Variants in RAB28 observed in about 807,000 individuals in gnomAD.
RAB28 encodes the protein RAB28, member RAS oncogene family.
RAB28 carries 24 observed loss-of-function variants against 31.7 expected under a neutral mutation model. The observed-to-expected ratio is 0.76, with a 90% confidence interval of 0.55 to 1.06. The LOEUF (loss-of-function observed/expected upper bound fraction) is 1.06, where lower values mean the gene tolerates loss of function less well. Among genes scored for constraint, RAB28 ranks in the 50% least tolerant of loss-of-function variants. RAB28 has a pLI of 0.00. For synonymous variants in RAB28, 100 were observed against 90.4 expected (o/e 1.11, Z -0.60); for missense variants, 254 against 258.5 (o/e 0.98, Z 0.12).
intron 4 of RAB28, among the ~76,000 whole-genome samples, chr4:13,384,442 A>T (rs1333799814): frequency 6.6e-6 from 1 of 152,176 alleles, no homozygotes; most frequent in African/African-American, 2.4e-5. Flanking sequence ...CTTACGAAAC[A>T]CTTTGGCTAG....
intron 4 of RAB28, among the ~76,000 whole-genome samples, chr4:13,430,130 T>C (rs963114472): frequency 2.0e-5 from 3 of 152,110 alleles, no homozygotes; most frequent in Admixed American, 6.5e-5. Flanking sequence ...AGGATATCTG[T>C]ATGCAAAAAA....
At chr4:13,470,114 CCTT>C (rs1379013887) in intron 3 of RAB28, among the ~76,000 whole-genome samples, 3 of 152,030 alleles carry the variant, frequency 2.0e-5, no homozygotes, top group Non-Finnish European at 4.4e-5. Context: ...CACTATTTAA[CCTT>C]CTCAAAAAAT....
At chr4:13,403,884 A>G (rs1711922085) in intron 4 of RAB28, among the ~76,000 whole-genome samples, 1 of 152,240 alleles carries the variant, frequency 6.6e-6, no homozygotes, top group Non-Finnish European at 1.5e-5. Context: ...ATCAAAATGC[A>G]TTTAGCCAAA....
chr4:13,470,250 A>G (rs1716057684), intron 3 of RAB28, among the ~76,000 whole-genome samples: 1 of 152,124 alleles, frequency 6.6e-6, no homozygotes, highest in African/African-American at 2.4e-5. Context: ...ATTATATAAT[A>G]GCCATAACAA....
chr4:13,481,935 T>C (rs767198093), intron 1 of RAB28, among the ~76,000 whole-genome samples: 2 of 152,158 alleles, frequency 1.3e-5, no homozygotes, highest in Non-Finnish European at 2.9e-5. Flanking sequence ...AATGGGAATG[T>C]TGGTGGCTGC....
chr4:13,414,320 G>C (rs1214279282), intron 4 of RAB28, among the ~76,000 whole-genome samples: 1 of 152,196 alleles, frequency 6.6e-6, no homozygotes, highest in Non-Finnish European at 1.5e-5. Flanking sequence ...CACTTAAGCT[G>C]TAAGGGAAAG....
At chr4:13,438,400 C>A (rs928810637) in intron 4 of RAB28, among the ~76,000 whole-genome samples, 2 of 152,126 alleles carry the variant, frequency 1.3e-5, no homozygotes, top group African/African-American at 2.4e-5. Context: ...CAAAAGTAAA[C>A]CCTACACATA....
chr4:13,472,288 C>T lies in RAB28; in HGVS notation c.261+2030G>A, dbSNP rs184942769. Among the ~76,000 whole-genome samples the T allele has an allele frequency of 1.3e-3, 198 of 152,020 alleles. 2 individuals carry two copies. The highest frequency in any genetic ancestry group is 4.6e-3 in the African/African-American group (190 of 41,518). On this transcript the variant is annotated intron_variant, in intron 3 of 6. Transcript: ENST00000330852. ...TGTGCCTCTCAGTTAGCTGAGATTA[C>T]AGGCATGAGCCACTGCGCCTAGCTG...
At chr4:13,411,832 A>G (rs575005249) in intron 4 of RAB28, among the ~76,000 whole-genome samples, 1 of 152,138 alleles carries the variant, frequency 6.6e-6, no homozygotes, top group Admixed American at 6.5e-5. Flanking sequence ...TAGACAAATG[A>G]TAGACTGAAA....
intron 4 of RAB28, among the ~76,000 whole-genome samples, chr4:13,458,647 C>T (rs911136447): frequency 8.5e-5 from 13 of 152,082 alleles, no homozygotes; most frequent in Non-Finnish European, 1.6e-4. Context: ...CTATCAACAA[C>T]GGGCTACATA....
chr4:13,387,735 T>C (rs1050290535), intron 4 of RAB28, among the ~76,000 whole-genome samples: 6 of 152,194 alleles, frequency 3.9e-5, no homozygotes, highest in East Asian at 1.9e-4. Flanking sequence ...TTCAACATGA[T>C]TGATTCTTCA....
At chr4:13,411,839 GA>G (rs530134429) in intron 4 of RAB28, among the ~76,000 whole-genome samples, 3 of 151,600 alleles carry the variant, frequency 2.0e-5, no homozygotes, top group Non-Finnish European at 4.4e-5. Flanking sequence ...ATGATAGACT[GA>G]AAAATAAGAT....
chr4:13,414,801 C>G (rs1452674560), intron 4 of RAB28, among the ~76,000 whole-genome samples: 1 of 152,094 alleles, frequency 6.6e-6, no homozygotes, highest in Non-Finnish European at 1.5e-5. Flanking sequence ...TTATGTAATC[C>G]ATTATGAATA....
At chr4:13,483,094 G>C (rs1012969450) in intron 1 of RAB28, among the ~76,000 whole-genome samples, 1 of 152,138 alleles carries the variant, frequency 6.6e-6, no homozygotes, top group African/African-American at 2.4e-5. Context: ...ACAGAAGCAT[G>C]GGAAAGAAGG....
chr4:13,443,573 T>C (rs1714530239), intron 4 of RAB28, among the ~76,000 whole-genome samples: 1 of 152,194 alleles, frequency 6.6e-6, no homozygotes, highest in Non-Finnish European at 1.5e-5. Context: ...ACATAAAAAT[T>C]GTATATATTT....
intron 3 of RAB28, 52 bp from the exon 4 acceptor site, chr4:13,460,880 T>C: frequency 6.5e-7 from 1 of 1,536,796 alleles, no homozygotes; most frequent in Non-Finnish European, 8.9e-7. Context: ...GGTGAAAAAA[T>C]CTTAATGAAT....
At chr4:13,429,645 T>C (rs1178502572) in intron 4 of RAB28, among the ~76,000 whole-genome samples, 4 of 152,164 alleles carry the variant, frequency 2.6e-5, no homozygotes, top group Non-Finnish European at 2.9e-5. Flanking sequence ...ACTAAATGAA[T>C]AGAAAGACTC....
intron 4 of RAB28, among the ~76,000 whole-genome samples, chr4:13,422,547 A>C (rs1362928051): frequency 6.6e-6 from 1 of 150,642 alleles, no homozygotes; most frequent in Non-Finnish European, 1.5e-5. Flanking sequence ...GCACATATAC[A>C]ACATGGAAAA....
At chr4:13,438,070 T>G (rs1488542622) in intron 4 of RAB28, among the ~76,000 whole-genome samples, 1 of 152,108 alleles carries the variant, frequency 6.6e-6, no homozygotes, top group Non-Finnish European at 1.5e-5. Flanking sequence ...TGGAGGCCAT[T>G]ACCCTAAGTC....
Sources: gnomAD v4.1 joint callset for allele counts (sites outside exome capture counted in the v4.1 genomes callset) on GRCh38, gnomAD v4.1.1 for gene constraint, MANE v1.5 for transcripts, NCBI Gene and HGNC (gene_info 2026-07-23, HGNC 2026-07-21) for gene names.